The following DIP2B variants were observed in gnomAD, a reference collection of about 807,000 sequenced individuals.
DIP2B encodes the protein DIP2 acetate--CoA ligase B (putative).
A neutral mutation model predicts 198.0 loss-of-function variants in DIP2B; 76 were observed. That is an observed-to-expected ratio of 0.38 (90% CI 0.32 to 0.46). DIP2B has a LOEUF of 0.46. Ranked by LOEUF, DIP2B falls within the 20% of genes least tolerant of loss-of-function variation. The pLI is 0.99. For missense variants in DIP2B, 1,559 were observed against 1,978.4 expected, an observed-to-expected ratio of 0.79 and a Z score of 4.02; for synonymous variants, 701 against 739.1, an observed-to-expected ratio of 0.95 and a Z score of 0.84.
chr12:50,540,053 G>GTGTTTTTTTTTTTTTTTT (rs1958306331), intron 1 of DIP2B, among the ~76,000 whole-genome samples: 1 of 44,142 alleles, frequency 2.3e-5, no homozygotes, highest in Non-Finnish European at 3.9e-5. Flanking sequence ...TTGTTTCTGT[G>GTGTTTTTTTTTTTTTTTT]TTTTTTTTTT....
chr12:50,694,369 A>G (rs991429885), intron 14 of DIP2B, among the ~76,000 whole-genome samples: 4 of 152,032 alleles, frequency 2.6e-5, no homozygotes, highest in Non-Finnish European at 4.4e-5. Flanking sequence ...TGTGGCGCAC[A>G]CCTGTAATCC....
At chr12:50,677,843 A>G (rs1646790156) in intron 7 of DIP2B, among the ~76,000 whole-genome samples, 1 of 152,004 alleles carries the variant, frequency 6.6e-6, no homozygotes, top group African/African-American at 2.4e-5. Context: ...ATTAGGCACT[A>G]CAGCCAGTAA....
rs116232783 is a variant in DIP2B at position 50,568,688 on chromosome 12, C to T, written c.101-57288C>T. ...TGCCTGCTGTTTATTTACTCTTCTTCTTCCTCAGCTAGTGGCTTATTTTAT... is the reference window on the plus strand; with the variant it reads ...TGCCTGCTGTTTATTTACTCTTCTTTTTCCTCAGCTAGTGGCTTATTTTAT... On this transcript the variant is annotated intron_variant, in intron 1 of 37. Coordinates refer to ENST00000301180, the MANE Select transcript of DIP2B (RefSeq NM_173602.3). Among the ~76,000 whole-genome samples, 122 of 152,300 alleles carry T rather than the reference C, an allele frequency of 8.0e-4. 2 individuals carry two copies. The highest frequency in any genetic ancestry group is 2.7e-3 in the African/African-American group (114 of 41,574).
chr12:50,570,379 A>G (rs1166107333), intron 1 of DIP2B, among the ~76,000 whole-genome samples: 1 of 152,234 alleles, frequency 6.6e-6, no homozygotes, highest in Admixed American at 6.6e-5. Flanking sequence ...ACATTGTTCT[A>G]CATGAGCCAG....
chr12:50,698,150 C>T (rs1454926729), intron 17 of DIP2B, among the ~76,000 whole-genome samples, 178 bp from the exon 18 acceptor site: 2 of 152,192 alleles, frequency 1.3e-5, no homozygotes, highest in East Asian at 3.9e-4. Flanking sequence ...CCTGCCACAG[C>T]AGTTGCTGGG....
intron 3 of DIP2B, among the ~76,000 whole-genome samples, chr12:50,658,534 A>G (rs563555632): frequency 2.0e-5 from 3 of 152,224 alleles, no homozygotes; most frequent in Non-Finnish European, 4.4e-5. Flanking sequence ...AAATAAGTAC[A>G]TATACTTTGA....
In DIP2B at chr12:50,505,107, T is replaced by C. The variant is rs1191810318; in HGVS notation, c.-34T>C. 2.6e-6 allele frequency: 4 copies of C among 1,525,162 alleles called. No homozygotes were observed. In the African/African-American group the frequency reaches 5.6e-5, roughly 21 times the overall value. The allele number at this position is 1,525,162 out of a possible 1,614,324, so 94.5% of individuals were successfully genotyped here. A position where few individuals can be genotyped will look rare whatever the true frequency, so the allele number is the denominator to read the frequency against. On this transcript the variant is annotated 5_prime_UTR_variant, in exon 1 of 38. Transcript: ENST00000301180. ...TGTCCGTCCCTCCTTCGGCCCCCTCTCTTGTCTTCCGGAGTGTGGCTGGCG... is the reference window on the plus strand; with the variant it reads ...TGTCCGTCCCTCCTTCGGCCCCCTCCCTTGTCTTCCGGAGTGTGGCTGGCG...
intron 5 of DIP2B, 132 bp downstream of exon 5, chr12:50,671,530 T>TA: frequency 1.2e-6 from 1 of 854,438 alleles, no homozygotes; most frequent in Non-Finnish European, 1.8e-6. Context: ...ACATGACAGT[T>TA]AATGAGGAAA....
intron 3 of DIP2B, among the ~76,000 whole-genome samples, chr12:50,658,922 A>C (rs1386305859): frequency 6.6e-6 from 1 of 152,096 alleles, no homozygotes; most frequent in African/African-American, 2.4e-5. Context: ...CCCCACCTCT[A>C]CTAAAAATGC....
Position 50,685,897 on chromosome 12 carries a change from G to A in DIP2B, c.1382G>A (p.Ser461Asn). The change falls in exon 11 of 38, where the codon AGT (serine) becomes AAT (asparagine). Residue 461 changes from serine (S) to asparagine (N), a missense_variant. By Grantham distance (46) the Ser-to-Asn change is conservative (BLOSUM62 1). Coordinates refer to ENST00000301180, the MANE Select transcript of DIP2B (RefSeq NM_173602.3). Reference sequence around the variant, plus strand: ...TGTGGTATTGCCTTAGCTCTTACCAGTGAAGTTTGTCTAAAAGGACTGCCA... The same window carrying A: ...TGTGGTATTGCCTTAGCTCTTACCAATGAAGTTTGTCTAAAAGGACTGCCA... ...GSCGIALALT[S>N]EVCLKGLPKT... 4.3e-6 allele frequency: 7 copies of A among 1,614,022 alleles called. No homozygotes were observed. Among genetic ancestry groups the A allele is most frequent in the Non-Finnish European group, 5.9e-6 (7 of 1,179,902 alleles).
chr12:50,552,457 G>T (rs1406036169), intron 1 of DIP2B, among the ~76,000 whole-genome samples: 1 of 151,814 alleles, frequency 6.6e-6, no homozygotes. Flanking sequence ...TAGTAGAGAC[G>T]GGGTTTCACT....
chr12:50,552,456 C>T (rs955945759), intron 1 of DIP2B, among the ~76,000 whole-genome samples: 11 of 151,796 alleles, frequency 7.2e-5, no homozygotes, highest in Non-Finnish European at 1.2e-4. Context: ...TTAGTAGAGA[C>T]GGGGTTTCAC....
intron 1 of DIP2B, among the ~76,000 whole-genome samples, chr12:50,532,529 A>G (rs530915053): frequency 6.6e-6 from 1 of 152,218 alleles, no homozygotes; most frequent in African/African-American, 2.4e-5. Context: ...ACAAAAAACA[A>G]ATAAAAATAA....
Position 50,664,717 on chromosome 12 carries a change from A to T in DIP2B, c.427+4398A>T, listed in dbSNP as rs555265589. 3.7e-4 allele frequency among the ~76,000 whole-genome samples: 57 copies of T among 152,216 alleles called. No homozygotes were observed. The East Asian group carries it at 6.6e-3, about 18-fold the overall frequency. ...CCACATAATGACCCTAAAGCACAGT[A>T]AGCTATTTCAACTAGCTTAAATTTA... On this transcript the variant is annotated intron_variant, in intron 4 of 37. Coordinates refer to ENST00000301180, the MANE Select transcript of DIP2B (RefSeq NM_173602.3).
intron 1 of DIP2B, among the ~76,000 whole-genome samples, chr12:50,570,060 C>A (rs1306001733): frequency 6.6e-6 from 1 of 152,136 alleles, no homozygotes; most frequent in Non-Finnish European, 1.5e-5. Context: ...ATGAGAGATT[C>A]ACTTGTTTGA....
chr12:50,603,197 T>C (rs1396778132), intron 1 of DIP2B, among the ~76,000 whole-genome samples: 3 of 151,716 alleles, frequency 2.0e-5, no homozygotes, highest in Non-Finnish European at 4.4e-5. Flanking sequence ...TAATTTAATA[T>C]TCACACATAA....
At position 50,637,748 on chromosome 12, in the gene DIP2B, ACT is replaced by A. The variant is rs1253693338; in HGVS notation, c.173-2973_173-2972del. Among the ~76,000 whole-genome samples, 22 of 152,096 alleles carry A rather than the reference ACT, an allele frequency of 1.4e-4. No individual in the cohort carries two copies. In the East Asian group the frequency reaches 4.3e-3, roughly 29 times the overall value. ...TGGTTCTCAGAGCCCATCCTGTTTC[ACT>A]CTGTTACTCTTGCAGGTGAGAATAT... On this transcript the variant is annotated intron_variant, in intron 2 of 37. Coordinates refer to ENST00000301180, the MANE Select transcript of DIP2B (RefSeq NM_173602.3).
chr12:50,561,362 T>C (rs1398029033), intron 1 of DIP2B, among the ~76,000 whole-genome samples: 1 of 152,214 alleles, frequency 6.6e-6, no homozygotes, highest in African/African-American at 2.4e-5. Context: ...GTAGATGTTT[T>C]CTAATGTTTC....
At chr12:50,610,415 AT>A (rs1959021460) in intron 1 of DIP2B, among the ~76,000 whole-genome samples, 1 of 152,074 alleles carries the variant, frequency 6.6e-6, no homozygotes, top group Non-Finnish European at 1.5e-5. Flanking sequence ...TGTCTTTGCT[AT>A]TTTAGGATAA....
Sources: allele counts gnomAD v4.1 joint callset (sites outside exome capture counted in the v4.1 genomes callset), GRCh38; gene constraint gnomAD v4.1.1; transcripts MANE v1.5; gene names NCBI Gene and HGNC (gene_info 2026-07-23, HGNC 2026-07-21).